The following LYST variants were observed in gnomAD, a reference collection of about 807,000 sequenced individuals.
LYST encodes lysosomal-trafficking regulator.
In LYST, 192 loss-of-function variants were observed where a neutral mutation model predicts 413.6. That is an observed-to-expected ratio of 0.46 (90% CI 0.41 to 0.52). The LOEUF (loss-of-function observed/expected upper bound fraction) is 0.52, where lower values mean the gene tolerates loss of function less well. Ranked by LOEUF, LYST falls within the 20% of genes least tolerant of loss-of-function variation. LYST has a pLI of 0.00. For synonymous variants in LYST, 1,525 were observed against 1,567.3 expected, an observed-to-expected ratio of 0.97 and a Z score of 0.64; for missense variants, 3,815 against 4,499.9, an observed-to-expected ratio of 0.85 and a Z score of 4.35.
intron 40 of LYST, among the ~76,000 whole-genome samples, chr1:235,720,173 C>CAAAAAAAA (rs71576484): frequency 4.2e-4 from 4 of 9,474 alleles, no homozygotes; most frequent in African/African-American, 9.4e-4. Flanking sequence ...GACTCTGTCT[C>CAAAAAAAA]AAAAAAAAAA....
intron 47 of LYST, among the ~76,000 whole-genome samples, chr1:235,690,556 C>T (rs1229100236): frequency 1.3e-5 from 2 of 152,144 alleles, no homozygotes; most frequent in Non-Finnish European, 2.9e-5. Flanking sequence ...TTGTTTTTCA[C>T]TGTCTCTTTA....
At position 235,719,819 on chromosome 1, in the gene LYST, A is replaced by G. The variant is rs1422845548; in HGVS notation, c.9560+842T>C. On this transcript the variant is annotated intron_variant, in intron 40 of 52. Transcript: ENST00000389793. ...TACAGAATGTGAAGCCTCCAAAAGA[A>G]TAAGTGACCTGGTTTTTCCAACAAG... 4.6e-5 allele frequency among the ~76,000 whole-genome samples: 7 copies of G among 152,260 alleles called. No homozygotes were observed. In the East Asian group the frequency reaches 1.3e-3, roughly 29 times the overall value.
At chr1:235,828,637 ATATTT>A in intron 3 of LYST, 2 of 355,884 alleles carry the variant, frequency 5.6e-6, no homozygotes, top group Non-Finnish European at 7.9e-6. Flanking sequence ...AGTACTGTAC[ATATTT>A]TATTAGAGTC....
intron 47 of LYST, among the ~76,000 whole-genome samples, chr1:235,690,052 A>G (rs1438114077): frequency 6.6e-6 from 1 of 152,262 alleles, no homozygotes; most frequent in East Asian, 1.9e-4. Context: ...AATGCCTAGT[A>G]ATTAAAGGTG....
At chr1:235,738,237 G>A in intron 31 of LYST, 1 of 1,610,848 alleles carries the variant, frequency 6.2e-7, no homozygotes, top group South Asian at 1.1e-5. Flanking sequence ...GATTGTCTCT[G>A]GCAAAGACTA....
chr1:235,702,616 T>C, intron 45 of LYST, 131 bp downstream of exon 45: 2 of 777,412 alleles, frequency 2.6e-6, no homozygotes, highest in Admixed American at 1.9e-5. Context: ...CTTTCGCTGC[T>C]GCACCTGTCT....
At chr1:235,871,765 C>T (rs1450534674), upstream of LYST, among the ~76,000 whole-genome samples, 1 of 152,170 alleles carries the variant, frequency 6.6e-6, no homozygotes, top group Admixed American at 6.5e-5. Flanking sequence ...TGCAGCTCGC[C>T]CTGAATTCTT....
At chr1:235,850,706 T>G (rs955008261) in intron 1 of LYST, among the ~76,000 whole-genome samples, 82 of 151,890 alleles carry the variant, frequency 5.4e-4, no homozygotes, top group African/African-American at 1.7e-3. Flanking sequence ...CATCAAAAAG[T>G]GGGCTAAGGA....
At chr1:235,782,227 G>A in intron 14 of LYST, 140 bp from the exon 15 acceptor site, 2 of 721,500 alleles carry the variant, frequency 2.8e-6, no homozygotes, top group Non-Finnish European at 2.2e-6. Flanking sequence ...TGCCCAGGTT[G>A]GCACGATCTC....
In LYST at chr1:235,792,105, A is replaced by G; in HGVS notation, c.4137T>C (p.Ile1379=). 1 of 1,610,626 alleles carries G rather than the reference A, an allele frequency of 6.2e-7. No individual in the cohort carries two copies. Among genetic ancestry groups the G allele is most frequent in the East Asian group, 2.2e-5 (1 of 44,816 alleles). Residue 1379 remains isoleucine (I), a synonymous_variant, in exon 12 of 53, where the codon ATT becomes ATC. Transcript: ENST00000389793. ...TAGTATCACTTTCAATAATTTTCAG[A>G]ATACCCAGAAGAAGAATTTTCTAGA... ...SPCTKILLLG[I]LKIIESDTTM...
intron 46 of LYST, among the ~76,000 whole-genome samples, chr1:235,695,416 C>T (rs777091611): frequency 3.4e-4 from 51 of 152,142 alleles, no homozygotes; most frequent in Non-Finnish European, 5.7e-4. Flanking sequence ...CTGGACATAC[C>T]CAGGTTCTGA....
intron 19 of LYST, 131 bp from the exon 20 acceptor site, chr1:235,770,428 A>C: frequency 1.2e-6 from 1 of 859,942 alleles, no homozygotes; most frequent in South Asian, 1.4e-5. Flanking sequence ...CATGTCTGCA[A>C]AAAGCCAATG....
chr1:235,766,747 C>T (rs1323031687), intron 20 of LYST, among the ~76,000 whole-genome samples: 2 of 152,016 alleles, frequency 1.3e-5, no homozygotes, highest in African/African-American at 4.8e-5. Context: ...TATAGGTAAG[C>T]CCCATATAAA....
At chr1:235,744,957 C>T (rs1665774873) in intron 29 of LYST, among the ~76,000 whole-genome samples, 1 of 150,472 alleles carries the variant, frequency 6.6e-6, no homozygotes, top group Non-Finnish European at 1.5e-5. Flanking sequence ...ATAATAATAA[C>T]TTGAGTTTAT....
intron 17 of LYST, 135 bp downstream of exon 17, chr1:235,776,928 T>A: frequency 1.4e-6 from 1 of 695,258 alleles, no homozygotes; most frequent in Non-Finnish European, 2.4e-6. Flanking sequence ...AACATTTTAA[T>A]ATGTAATTTT....
chr1:235,686,352 G>A lies in LYST; in HGVS notation c.10800+597C>T, dbSNP rs1251792874. ...ATTGCATTCCAGCTTAGGCAAGAGA[G>A]GGAGGTTCTGTCTCAAAAAACAAAA... On this transcript the variant is annotated intron_variant, in intron 48 of 52. Transcript: ENST00000389793. The surrounding 1 kb of genome is among the most constrained non-coding windows in gnomAD (Gnocchi z 4.0). Among the ~76,000 whole-genome samples the A allele has an allele frequency of 1.3e-5, 2 of 152,194 alleles. No homozygotes were observed. Among genetic ancestry groups the A allele is most frequent in the Non-Finnish European group, 2.9e-5 (2 of 68,036 alleles).
intron 14 of LYST, among the ~76,000 whole-genome samples, chr1:235,782,466 C>A (rs1399261165): frequency 6.6e-6 from 1 of 152,074 alleles, no homozygotes; most frequent in African/African-American, 2.4e-5. Flanking sequence ...AGCCACCACA[C>A]CCGGCCTACA....
intron 40 of LYST, among the ~76,000 whole-genome samples, chr1:235,720,157 G>C (rs1663229160): frequency 9.0e-6 from 1 of 110,798 alleles, no homozygotes; most frequent in African/African-American, 3.5e-5. Flanking sequence ...CCTGGTGACA[G>C]AGTGAGACTC....
At chr1:235,729,863 A>T (rs1664211145) in intron 36 of LYST, among the ~76,000 whole-genome samples, 1 of 152,180 alleles carries the variant, frequency 6.6e-6, no homozygotes, top group Admixed American at 6.5e-5. Context: ...CGCCTAGAAA[A>T]GGCTAATAAT....
Sources: allele counts gnomAD v4.1 joint callset (sites outside exome capture counted in the v4.1 genomes callset), GRCh38; gene constraint gnomAD v4.1.1; non-coding constraint Gnocchi (gnomAD v3.1); transcripts MANE v1.5; gene names NCBI Gene and HGNC (gene_info 2026-07-23, HGNC 2026-07-21).